Variants in TUSC3 observed in about 807,000 individuals in gnomAD.
The protein encoded by TUSC3 is tumor suppressor candidate 3, also known as dolichyl-diphosphooligosaccharide--protein glycosyltransferase subunit TUSC3.
In TUSC3, 45 loss-of-function variants were observed where a neutral mutation model predicts 44.8. The ratio of observed to expected loss-of-function variants is 1.00; its 90% CI spans 0.79 to 1.29. The LOEUF (loss-of-function observed/expected upper bound fraction) is 1.29. Ranked by LOEUF, TUSC3 falls within the 50% of genes most tolerant of loss-of-function variation. The pLI is 0.00. For synonymous variants in TUSC3, 212 were observed against 152.9 expected, an observed-to-expected ratio of 1.39 and a Z score of -2.85; for missense variants, 519 against 437.9, an observed-to-expected ratio of 1.19 and a Z score of -1.65.
intron 1 of TUSC3, among the ~76,000 whole-genome samples, chr8:15,438,697 T>C (rs1413609758): frequency 1.3e-5 from 2 of 152,198 alleles, no homozygotes; most frequent in African/African-American, 4.8e-5. Flanking sequence ...TAATGTTCTG[T>C]AGAATAACAG....
At chr8:15,786,564 G>A in the TUSC3 span, among the ~76,000 whole-genome samples, 2 of 152,090 alleles carry the variant, frequency 1.3e-5, no homozygotes, top group Non-Finnish European at 2.9e-5. Flanking sequence ...GAAAAAGATT[G>A]CCTGGTGCAT....
Position 15,447,908 on chromosome 8 carries a change from A to C in TUSC3, n.91+30603A>C, listed in dbSNP as rs545987309. ...TTGTCAAAAAAATTAAAGGATATAA[A>C]GTTACATTGTTCAACATGGTAGCTA... is the stretch of plus-strand genomic sequence containing the variant. On this transcript the variant is annotated intron_variant and non_coding_transcript_variant, in intron 1 of 5. Coordinates refer to the TUSC3 transcript ENST00000503191. 7.3e-5 allele frequency among the ~76,000 whole-genome samples: 11 copies of C among 151,626 alleles called. No homozygotes were observed. The East Asian group carries it at 2.1e-3, about 29-fold the overall frequency.
At chr8:15,479,348 T>C (rs1237955771) in intron 1 of TUSC3, among the ~76,000 whole-genome samples, 2 of 152,218 alleles carry the variant, frequency 1.3e-5, no homozygotes, top group Middle Eastern at 3.4e-3. Context: ...TTTGTCATGA[T>C]ATTTTTGCCC....
chr8:15,630,032 T>G (rs1805690330), intron 2 of TUSC3, among the ~76,000 whole-genome samples: 1 of 152,152 alleles, frequency 6.6e-6, no homozygotes, highest in African/African-American at 2.4e-5. Flanking sequence ...TTAAATCAAA[T>G]TATACTGTGG....
chr8:15,827,171 G>T, the TUSC3 span, among the ~76,000 whole-genome samples: 1 of 152,054 alleles, frequency 6.6e-6, no homozygotes, highest in African/African-American at 2.4e-5. Context: ...ATGATCCTAC[G>T]TAACTGATGG....
chr8:15,436,006 C>A (rs1236812482), intron 1 of TUSC3, among the ~76,000 whole-genome samples: 1 of 152,120 alleles, frequency 6.6e-6, no homozygotes, highest in Non-Finnish European at 1.5e-5. Context: ...CGTATGTTGA[C>A]TGGGGCTGCA....
At chr8:15,737,973 TCTCAA>T (rs962443237) in intron 7 of TUSC3, among the ~76,000 whole-genome samples, 22 of 152,214 alleles carry the variant, frequency 1.4e-4, no homozygotes, top group African/African-American at 4.3e-4. Context: ...GCTAAACGAT[TCTCAA>T]CTCAACTCCT....
chr8:15,793,660 C>T, the TUSC3 span, among the ~76,000 whole-genome samples: 4 of 152,294 alleles, frequency 2.6e-5, no homozygotes, highest in South Asian at 4.1e-4. Flanking sequence ...TGTGCTCCTA[C>T]ACCCTACTAG....
chr8:15,636,759 G>C (rs1457226472), intron 2 of TUSC3, among the ~76,000 whole-genome samples: 2 of 152,308 alleles, frequency 1.3e-5, no homozygotes, highest in East Asian at 3.9e-4. Flanking sequence ...GAATGTTCCA[G>C]TGGGAGATTA....
At chr8:15,698,243 C>T (rs1809251909) in intron 6 of TUSC3, among the ~76,000 whole-genome samples, 4 of 152,082 alleles carry the variant, frequency 2.6e-5, no homozygotes, top group South Asian at 4.1e-4. Context: ...CCCAAAGAAG[C>T]AATTACTGTG....
intron 1 of TUSC3, among the ~76,000 whole-genome samples, chr8:15,465,716 A>G (rs1800405581): frequency 6.6e-6 from 1 of 152,198 alleles, no homozygotes; most frequent in South Asian, 2.1e-4. Flanking sequence ...AATAACCCAT[A>G]GCATTTTGGA....
chr8:15,466,532 T>C (rs576836944), intron 1 of TUSC3, among the ~76,000 whole-genome samples: 9 of 152,262 alleles, frequency 5.9e-5, no homozygotes, highest in Admixed American at 4.6e-4. Context: ...TAATAAAGCA[T>C]TTATAATTAA....
At chr8:15,623,394 A>G (rs891508881) in intron 2 of TUSC3, 145 bp downstream of exon 2, 7 of 895,724 alleles carry the variant, frequency 7.8e-6, no homozygotes, top group Non-Finnish European at 1.1e-5. Flanking sequence ...AAGCTGAAAA[A>G]TCAGTGTATT....
intron 7 of TUSC3, among the ~76,000 whole-genome samples, chr8:15,733,965 G>A (rs6651376): frequency 0.042 from 6,345 of 152,202 alleles, 444 homozygotes; most frequent in African/African-American, 0.15. Context: ...GATCACTTGA[G>A]CCCGGGAGGT....
chr8:15,770,551 A>T (rs1431188822), downstream of TUSC3, among the ~76,000 whole-genome samples: 1 of 152,224 alleles, frequency 6.6e-6, no homozygotes, highest in Non-Finnish European at 1.5e-5. Flanking sequence ...TTAAAGTATA[A>T]TTTTTAAAAA....
chr8:15,775,912 G>C, the TUSC3 span, among the ~76,000 whole-genome samples: 1 of 151,766 alleles, frequency 6.6e-6, no homozygotes, highest in Non-Finnish European at 1.5e-5. Flanking sequence ...AAAATGGACA[G>C]AGAACAAGAT....
intron 1 of TUSC3, among the ~76,000 whole-genome samples, chr8:15,615,678 C>T (rs997452549): frequency 1.3e-5 from 2 of 152,090 alleles, no homozygotes; most frequent in Admixed American, 6.6e-5. Context: ...TCTAATTACC[C>T]TGATTTAAAT....
chr8:15,755,454 C>T (rs1163346745), intron 9 of TUSC3, among the ~76,000 whole-genome samples: 1 of 151,926 alleles, frequency 6.6e-6, no homozygotes, highest in African/African-American at 2.4e-5. Flanking sequence ...GTAGTTTTGT[C>T]TCATAGTTGC....
At position 15,659,666 on chromosome 8, in the gene TUSC3, C is replaced by A; in HGVS notation, c.567+19C>A. On this transcript the variant is annotated intron_variant, in intron 4 of 10. Transcript: ENST00000503731. ...TGTTCATGTATGTTTTTATTCCTCA[C>A]AGTTTTAATAATAGGCTGGTTAGTT... The A allele has an allele frequency of 6.2e-7, 1 of 1,610,932 alleles. No individual in the cohort carries two copies. Among genetic ancestry groups the A allele is most frequent in the Non-Finnish European group, 8.5e-7 (1 of 1,179,132 alleles).
Sources: gnomAD v4.1 joint callset for allele counts (sites outside exome capture counted in the v4.1 genomes callset) on GRCh38, gnomAD v4.1.1 for gene constraint, MANE v1.5 for transcripts, NCBI Gene and HGNC (gene_info 2026-07-23, HGNC 2026-07-21) for gene names.